TAFA1: variants seen among roughly 807,000 people sequenced by gnomAD.
TAFA1 encodes chemokine-like protein TAFA-1.
In TAFA1, 4 loss-of-function variants were observed where a neutral mutation model predicts 18.5. That is an observed-to-expected ratio of 0.22 (90% CI 0.11 to 0.49). The LOEUF (loss-of-function observed/expected upper bound fraction) is 0.49. TAFA1 is among the 20% of genes least tolerant of loss of function. The pLI is 0.98. For missense variants in TAFA1, 147 were observed against 169.0 expected (o/e 0.87, Z 0.72); for synonymous variants, 56 against 55.2 (o/e 1.01, Z -0.06).
chr3:68,396,753 C>T (rs958179942), intron 2 of TAFA1, among the ~76,000 whole-genome samples: 3 of 152,202 alleles, frequency 2.0e-5, no homozygotes, highest in Non-Finnish European at 4.4e-5. Context: ...TTTATCCATA[C>T]ATAAAGTTAT....
chr3:68,310,543 T>C (rs560744441), intron 2 of TAFA1, among the ~76,000 whole-genome samples: 1 of 152,180 alleles, frequency 6.6e-6, no homozygotes, highest in Non-Finnish European at 1.5e-5. Flanking sequence ...GTTGAAGTAG[T>C]TCATATTCAT....
chr3:68,492,526 T>C (rs943300008), intron 3 of TAFA1, among the ~76,000 whole-genome samples: 1 of 152,182 alleles, frequency 6.6e-6, no homozygotes, highest in African/African-American at 2.4e-5. Flanking sequence ...AAGAAACCAA[T>C]GAATGAATCA....
chr3:68,514,879 G>A (rs1240048613), intron 3 of TAFA1, among the ~76,000 whole-genome samples: 1 of 152,098 alleles, frequency 6.6e-6, no homozygotes, highest in Non-Finnish European at 1.5e-5. Flanking sequence ...TTAGTAGTTT[G>A]AAACAATAGC....
intron 2 of TAFA1, among the ~76,000 whole-genome samples, chr3:68,132,449 C>T (rs577679088): frequency 4.6e-5 from 7 of 152,286 alleles, no homozygotes; most frequent in South Asian, 2.1e-4. Context: ...TGAGGAATCA[C>T]CACACTGTCT....
intron 2 of TAFA1, among the ~76,000 whole-genome samples, chr3:68,092,400 A>G (rs1214794971): frequency 6.6e-6 from 1 of 152,172 alleles, no homozygotes; most frequent in Non-Finnish European, 1.5e-5. Context: ...AGTGGTATTT[A>G]GAGAAAAAGG....
In TAFA1 at chr3:68,402,513, G is replaced by A. The variant is rs551298628; in HGVS notation, c.119-14767G>A. ...TAAATTGTCATCACTGTCAAAAGGG[G>A]GAGTAATAAATTTTTCTACCTGAGT... On this transcript the variant is annotated intron_variant, in intron 2 of 4. Coordinates refer to ENST00000478136, the MANE Select transcript of TAFA1 (RefSeq NM_213609.4). Among the ~76,000 whole-genome samples, 3 of 152,192 alleles carry A rather than the reference G, an allele frequency of 2.0e-5. No individual in the cohort carries two copies. The South Asian group carries it at 6.2e-4, about 32-fold the overall frequency.
At chr3:68,103,570 G>C (rs1353103368) in intron 2 of TAFA1, among the ~76,000 whole-genome samples, 1 of 152,092 alleles carries the variant, frequency 6.6e-6, no homozygotes, top group Non-Finnish European at 1.5e-5. Flanking sequence ...AAAGCCACAA[G>C]ATTAGTATAA....
At chr3:68,430,844 G>A (rs978627317) in intron 3 of TAFA1, among the ~76,000 whole-genome samples, 1 of 151,928 alleles carries the variant, frequency 6.6e-6, no homozygotes, top group Non-Finnish European at 1.5e-5. Context: ...ACTTTTGGAT[G>A]GAAATTTTAA....
chr3:68,225,143 C>T (rs1042417102), intron 2 of TAFA1, among the ~76,000 whole-genome samples: 3 of 151,820 alleles, frequency 2.0e-5, no homozygotes, highest in Admixed American at 6.6e-5. Context: ...CTCCTGACCT[C>T]GTGATCCACC....
intron 2 of TAFA1, among the ~76,000 whole-genome samples, chr3:68,088,380 G>A (rs1485548179): frequency 6.6e-6 from 1 of 152,126 alleles, no homozygotes; most frequent in African/African-American, 2.4e-5. Flanking sequence ...GAGCAACCAG[G>A]AAGGTGGAAA....
chr3:68,423,606 C>T (rs1298413564), intron 3 of TAFA1, among the ~76,000 whole-genome samples: 7 of 152,110 alleles, frequency 4.6e-5, no homozygotes, highest in South Asian at 2.1e-4. Context: ...AAGATGATTG[C>T]ACTTTCATTG....
At chr3:68,387,657 G>C (rs922472014) in intron 2 of TAFA1, among the ~76,000 whole-genome samples, 2 of 152,066 alleles carry the variant, frequency 1.3e-5, no homozygotes, top group Non-Finnish European at 2.9e-5. Flanking sequence ...GTTTCCTTTA[G>C]TGAGTCGTTT....
chr3:68,518,035 C>G (rs1400574098), intron 3 of TAFA1, among the ~76,000 whole-genome samples: 1 of 152,208 alleles, frequency 6.6e-6, no homozygotes, highest in Non-Finnish European at 1.5e-5. Flanking sequence ...CTGGGTCATG[C>G]ACAAGCATTA....
At chr3:68,249,770 T>TAAATAA (rs2067157867) in intron 2 of TAFA1, among the ~76,000 whole-genome samples, 1 of 152,056 alleles carries the variant, frequency 6.6e-6, no homozygotes, top group Non-Finnish European at 1.5e-5. Flanking sequence ...AGAATTAAAT[T>TAAATAA]AAGGCTGCTA....
intron 2 of TAFA1, among the ~76,000 whole-genome samples, chr3:68,386,352 A>C (rs1293672325): frequency 1.3e-5 from 2 of 152,072 alleles, no homozygotes; most frequent in Non-Finnish European, 2.9e-5. Flanking sequence ...ATTAGGTTAG[A>C]TTGTTCTCTG....
intron 2 of TAFA1, among the ~76,000 whole-genome samples, chr3:68,241,113 A>G (rs1230847808): frequency 1.3e-5 from 2 of 152,178 alleles, no homozygotes; most frequent in East Asian, 3.9e-4. Flanking sequence ...TTATGTCTTC[A>G]CAGTGGTTAG....
chr3:68,508,093 T>C (rs1246109275), intron 3 of TAFA1, among the ~76,000 whole-genome samples: 1 of 152,108 alleles, frequency 6.6e-6, no homozygotes, highest in Non-Finnish European at 1.5e-5. Flanking sequence ...AGGGCTCTCT[T>C]CTTGGCTTGC....
intron 2 of TAFA1, among the ~76,000 whole-genome samples, chr3:68,277,253 G>A (rs1433327246): frequency 6.6e-6 from 1 of 152,170 alleles, no homozygotes; most frequent in Non-Finnish European, 1.5e-5. Flanking sequence ...GGCTGTCAGT[G>A]AAGAAACCTG....
chr3:68,301,739 T>C (rs2068305774), intron 2 of TAFA1, among the ~76,000 whole-genome samples: 1 of 152,196 alleles, frequency 6.6e-6, no homozygotes, highest in Non-Finnish European at 1.5e-5. Flanking sequence ...CAGCCAATAC[T>C]CTAAAAACTG....
Sources: allele counts gnomAD v4.1 joint callset (sites outside exome capture counted in the v4.1 genomes callset), GRCh38; gene constraint gnomAD v4.1.1; transcripts MANE v1.5; gene names NCBI Gene and HGNC (gene_info 2026-07-23, HGNC 2026-07-21).